Variants in SULT1A1 observed in about 807,000 individuals in gnomAD.
The protein encoded by SULT1A1 is sulfotransferase family 1A member 1, also known as sulfotransferase 1A1.
SULT1A1 carries 35 observed loss-of-function variants against 36.8 expected under a neutral mutation model. That is an observed-to-expected ratio of 0.95 (90% confidence interval 0.73 to 1.26). SULT1A1 has a LOEUF of 1.26. SULT1A1 is among the 50% of genes most tolerant of loss of function. The pLI is 0.00. For synonymous variants in SULT1A1, 119 were observed against 146.0 expected (o/e 0.82, Z 1.33); for missense variants, 309 against 383.0 (o/e 0.81, Z 1.61).
chr16:28,610,264 GTTTT>G (rs538720119), upstream of SULT1A1: 3,095 of 348,474 alleles, frequency 8.9e-3, 20 homozygotes, highest in African/African-American at 0.062. Context: ...TTTTTTTTCT[GTTTT>G]TTTTTTTTTT....
rs2047141541 is a variant in SULT1A1, at chr16:28,605,566, C to A, written c.*255G>T. ...GGATTACAGGCATGAGCCACTCTGC[C>A]TGGCCCACAATCATATTTTATTCTC... On this transcript the variant is annotated 3_prime_UTR_variant, in exon 8 of 8. Coordinates refer to ENST00000314752, the MANE Select transcript of SULT1A1 (RefSeq NM_001055.4). 4.7e-6 allele frequency: 3 copies of A among 639,460 alleles called. No individual in the cohort carries two copies. In the Admixed American group the frequency reaches 9.2e-5, roughly 20 times the overall value. The allele number at this position is 639,460 out of a possible 1,614,324, so 39.6% of individuals were successfully genotyped here.
At chr16:28,616,344 G>A (rs1340046975) in intron 2 of SULT1A1, among the ~76,000 whole-genome samples, 2 of 152,088 alleles carry the variant, frequency 1.3e-5, no homozygotes, top group South Asian at 2.1e-4. Context: ...GGAACAGATC[G>A]TGTCCTCTGT....
At position 28,623,218 on chromosome 16, in the gene SULT1A1, G is replaced by T. The variant is rs1440201477; in HGVS notation, c.-21C>A. 3 of 1,545,696 alleles carry T rather than the reference G, an allele frequency of 1.9e-6. No individual in the cohort carries two copies. The East Asian group carries it at 7.3e-5, about 38-fold the overall frequency. ...AGCATGGCGCGCGGCGCTCGGCCCGGGAGCGCGCGCTCCAGCAGGCCCAGC... is the reference window on the plus strand; with the variant it reads ...AGCATGGCGCGCGGCGCTCGGCCCGTGAGCGCGCGCTCCAGCAGGCCCAGC... On this transcript the variant is annotated 5_prime_UTR_variant, in exon 1 of 6. Coordinates refer to the SULT1A1 transcript ENST00000350842.
At position 28,605,670 on chromosome 16, in the gene SULT1A1, G is replaced by C; in HGVS notation, c.*151C>G. ...TTGCCCAGGTTGGTCTCGAACTCCT[G>C]GGCTCAAATGATCCTCCCACCTCAG... is the stretch of plus-strand genomic sequence containing the variant. On this transcript the variant is annotated 3_prime_UTR_variant, in exon 8 of 8. Transcript: ENST00000314752. 1 of 1,364,382 alleles carries C rather than the reference G, an allele frequency of 7.3e-7. No homozygotes were observed. The highest frequency in any genetic ancestry group is 1.3e-5 in the South Asian group (1 of 79,792). The allele number at this position is 1,364,382 out of a possible 1,614,324, so 84.5% of individuals were successfully genotyped here. A position where few individuals can be genotyped will look rare whatever the true frequency, so the allele number is the denominator to read the frequency against.
chr16:28,616,294 T>C (rs1480009461), intron 2 of SULT1A1, among the ~76,000 whole-genome samples: 1 of 152,224 alleles, frequency 6.6e-6, no homozygotes, highest in Non-Finnish European at 1.5e-5. Flanking sequence ...CTAAGATCTA[T>C]ATCTGGTATA....
At chr16:28,622,660 C>A (rs1304139902) in intron 1 of SULT1A1, among the ~76,000 whole-genome samples, 1 of 152,152 alleles carries the variant, frequency 6.6e-6, no homozygotes, top group African/African-American at 2.4e-5. Context: ...GGGCCCCAGG[C>A]GTGGATTTTC....
chr16:28,608,509 G>A lies in SULT1A1; in HGVS notation c.243C>T (p.Phe81=). ...HRAPIFMRVP[F]LEFKAPGIPS... The stretch of plus-strand genomic sequence containing the variant: ...GAATCCCTGGGGCTTTGAACTCAAG[G>A]AAGGGCACCCGCATGAAGATGGGAG... The change falls in exon 3 of 8, where the codon TTC becomes TTT. Residue 81 remains phenylalanine, a synonymous_variant. Coordinates refer to ENST00000314752, the MANE Select transcript of SULT1A1 (RefSeq NM_001055.4). 6.2e-7 allele frequency: 1 copy of A among 1,612,480 alleles called. No individual in the cohort carries two copies. The highest frequency in any genetic ancestry group is 8.5e-7 in the Non-Finnish European group (1 of 1,178,694).
intron 2 of SULT1A1, among the ~76,000 whole-genome samples, chr16:28,617,005 CT>C (rs11339073): frequency 6.6e-6 from 1 of 150,960 alleles, no homozygotes; most frequent in Non-Finnish European, 1.5e-5. Context: ...AACTCCAGAT[CT>C]TTTTTTTTAT....
chr16:28,623,143 C>A, exon 1 of SULT1A1: 1 of 1,358,476 alleles, frequency 7.4e-7, no homozygotes, highest in South Asian at 1.2e-5. Flanking sequence ...GCGTAGAAGG[C>A]CGAGACCGCG....
In SULT1A1 at chr16:28,606,614, G is replaced by A. The variant is rs1271420505; in HGVS notation, c.594+147C>T. 8.8e-5 allele frequency: 116 copies of A among 1,319,184 alleles called. 1 individual carries two copies. Among genetic ancestry groups the A allele is most frequent in the Non-Finnish European group, 1.1e-4 (109 of 964,942 alleles). 81.7% of individuals were successfully genotyped at this position (1,319,184 alleles called of 1,614,324 possible). ...GCCCGCTGCCAGGTGGGGCCTTAGT[G>A]GGGAGGCCTGGGCCAAGAAGGCAGG... On this transcript the variant is annotated intron_variant, in intron 6 of 7. Transcript: ENST00000314752.
chr16:28,623,112 T>TCCCCCCCCCGCC, intron 1 of SULT1A1: 3 of 1,029,422 alleles, frequency 2.9e-6, no homozygotes, highest in Non-Finnish European at 1.4e-6. Flanking sequence ...CCCCCCAGGT[T>TCCCCCCCCCGCC]CCCCCCCCGG....
At chr16:28,617,229 T>C (rs764860984) in intron 2 of SULT1A1, among the ~76,000 whole-genome samples, 1 of 152,064 alleles carries the variant, frequency 6.6e-6, no homozygotes, top group Non-Finnish European at 1.5e-5. Flanking sequence ...TTGCCCAGGC[T>C]GGTCTCAAAT....
intron 1 of SULT1A1, among the ~76,000 whole-genome samples, chr16:28,621,829 C>T (rs1003251185): frequency 1.5e-4 from 23 of 152,112 alleles, no homozygotes; most frequent in African/African-American, 4.3e-4. Flanking sequence ...ATGATAGAGG[C>T]CACAGGGACC....
chr16:28,622,236 C>G (rs2047670973), intron 1 of SULT1A1, among the ~76,000 whole-genome samples: 1 of 152,188 alleles, frequency 6.6e-6, no homozygotes, highest in Non-Finnish European at 1.5e-5. Flanking sequence ...CCAGTGTCTT[C>G]CTTTCTTGTG....
At chr16:28,610,262 CTGTTTTTTT>C (rs2047398119), upstream of SULT1A1, 84 of 239,928 alleles carry the variant, frequency 3.5e-4, no homozygotes, top group Non-Finnish European at 4.7e-4. Context: ...TTTTTTTTTT[CTGTTTTTTT>C]TTTTTTTTTT....
intron 1 of SULT1A1, chr16:28,609,388 G>A (rs1466998689): frequency 7.8e-7 from 1 of 1,289,474 alleles, no homozygotes; most frequent in Non-Finnish European, 1.0e-6. Context: ...CTGGGCTCCA[G>A]GACAAACACG....
rs1477106169 is a variant in SULT1A1, at chr16:28,607,095, T to C, written c.373-18A>G. 6.2e-7 allele frequency: 1 copy of C among 1,611,570 alleles called. No individual in the cohort carries two copies. The highest frequency in any genetic ancestry group is 1.1e-5 in the South Asian group (1 of 90,976). On this transcript the variant is annotated intron_variant, in intron 4 of 7. Coordinates refer to ENST00000314752, the MANE Select transcript of SULT1A1 (RefSeq NM_001055.4). ...TAGACCACCTGCAGGGGCAGAAGACTCAACCCCAGCACCATCACCACACAG... is the reference window on the plus strand; with the variant it reads ...TAGACCACCTGCAGGGGCAGAAGACCCAACCCCAGCACCATCACCACACAG...
At chr16:28,607,160 G>A in intron 4 of SULT1A1, 83 bp from the exon 5 acceptor site, 1 of 1,586,780 alleles carries the variant, frequency 6.3e-7, no homozygotes, top group East Asian at 2.2e-5. Flanking sequence ...TGGCAAAGGA[G>A]GAACCTGAGG....
intron 2 of SULT1A1, among the ~76,000 whole-genome samples, chr16:28,616,964 C>G (rs1227514692): frequency 6.6e-6 from 1 of 152,132 alleles, no homozygotes; most frequent in Non-Finnish European, 1.5e-5. Flanking sequence ...CTCTTCTGCC[C>G]CTGGAATGAC....
Sources: allele counts gnomAD v4.1 joint callset (sites outside exome capture counted in the v4.1 genomes callset), GRCh38; gene constraint gnomAD v4.1.1; transcripts MANE v1.5; gene names NCBI Gene and HGNC (gene_info 2026-07-23, HGNC 2026-07-21).